ROR1: variants seen among roughly 807,000 people sequenced by gnomAD.
ROR1 encodes the protein ROR family WNT receptor 1, also known as inactive tyrosine-protein kinase transmembrane receptor ROR1.
A neutral mutation model predicts 78.8 loss-of-function variants in ROR1; 19 were observed. That is an observed-to-expected ratio of 0.24 (90% CI 0.17 to 0.35). The LOEUF is 0.35. Among genes scored for constraint, ROR1 ranks in the 10% least tolerant of loss-of-function variants. The pLI is 1.00. For synonymous variants in ROR1, 386 were observed against 433.6 expected (o/e 0.89, Z 1.36); for missense variants, 917 against 1,177.8 (o/e 0.78, Z 3.24).
At chr1:64,144,585 C>G (rs1569850233) in intron 7 of ROR1, among the ~76,000 whole-genome samples, 1 of 152,178 alleles carries the variant, frequency 6.6e-6, no homozygotes, top group African/African-American at 2.4e-5. Context: ...TCTGTCACCT[C>G]ATTCAATCTT....
At chr1:63,794,544 G>C (rs139060825) in intron 1 of ROR1, among the ~76,000 whole-genome samples, 1 of 152,238 alleles carries the variant, frequency 6.6e-6, no homozygotes, top group Non-Finnish European at 1.5e-5. Flanking sequence ...TGGGTCCAGA[G>C]AGACAGAATG....
chr1:64,040,958 G>A (rs1219489543), intron 2 of ROR1, among the ~76,000 whole-genome samples: 1 of 152,178 alleles, frequency 6.6e-6, no homozygotes, highest in Non-Finnish European at 1.5e-5. Context: ...ATAAAGACTG[G>A]TAAAAATCAT....
At chr1:63,803,514 C>T (rs612702) in intron 1 of ROR1, among the ~76,000 whole-genome samples, 52,805 of 151,966 alleles carry the variant, frequency 0.35, 12,801 homozygotes, top group African/African-American at 0.7. Context: ...CCGCCTAATT[C>T]TTAATATTTT....
chr1:63,807,374 T>C (rs958879629), intron 1 of ROR1, among the ~76,000 whole-genome samples: 1 of 152,196 alleles, frequency 6.6e-6, no homozygotes, highest in East Asian at 1.9e-4. Context: ...AGTTTCTGTC[T>C]GATGAGAGAA....
intron 1 of ROR1, among the ~76,000 whole-genome samples, chr1:63,970,899 T>C (rs1646113837): frequency 6.6e-6 from 1 of 152,188 alleles, no homozygotes; most frequent in African/African-American, 2.4e-5. Context: ...TCACCACCCT[T>C]GCTGCCTCCC....
rs561007538 is a variant in ROR1, at chr1:64,096,111, A to T, written c.483-41258A>T. Among the ~76,000 whole-genome samples the T allele has an allele frequency of 1.7e-4, 26 of 152,260 alleles. No homozygotes were observed. The South Asian group carries it at 3.3e-3, about 19-fold the overall frequency. ...ATATGATATCATTCTTAAAGATAAA[A>T]TCCCTTTGTCACTCACTCCATGAGA... On this transcript the variant is annotated intron_variant, in intron 4 of 8. Coordinates refer to ENST00000371079, the MANE Select transcript of ROR1 (RefSeq NM_005012.4).
chr1:63,994,574 G>C (rs1646322559), intron 1 of ROR1, among the ~76,000 whole-genome samples: 1 of 152,166 alleles, frequency 6.6e-6, no homozygotes, highest in African/African-American at 2.4e-5. Flanking sequence ...GAAGGCTTGT[G>C]GGGAAAGGCC....
At chr1:64,144,668 C>G (rs1243610602) in intron 7 of ROR1, among the ~76,000 whole-genome samples, 3 of 152,148 alleles carry the variant, frequency 2.0e-5, no homozygotes, top group African/African-American at 7.2e-5. Context: ...GAGGTTTGCT[C>G]AAAGACACTC....
chr1:63,963,877 C>T (rs1004308305), intron 1 of ROR1, among the ~76,000 whole-genome samples: 62 of 152,180 alleles, frequency 4.1e-4, no homozygotes, highest in Non-Finnish European at 7.1e-4. Context: ...TACCAGCATC[C>T]GTCTTTCTAA....
intron 1 of ROR1, among the ~76,000 whole-genome samples, chr1:63,809,660 G>A (rs1230317261): frequency 1.3e-5 from 2 of 152,162 alleles, no homozygotes; most frequent in Non-Finnish European, 2.9e-5. Context: ...CAAGTTTTAA[G>A]AATTGAGTGT....
intron 1 of ROR1, among the ~76,000 whole-genome samples, chr1:63,959,891 T>A (rs1646014195): frequency 6.6e-6 from 1 of 152,172 alleles, no homozygotes. Flanking sequence ...AGTGTCCTCC[T>A]CATCCCTTCA....
Position 64,116,156 on chromosome 1 carries a change from C to T in ROR1, c.483-21213C>T, listed in dbSNP as rs188738193. The stretch of plus-strand genomic sequence containing the variant: ...ATGAGATGAGACCATCCCGTTCCAC[C>T]GCACTTTCAAGTTAATCCATGCTCT... On this transcript the variant is annotated intron_variant, in intron 4 of 8. Transcript: ENST00000371079. Among the ~76,000 whole-genome samples, 3 of 152,116 alleles carry T rather than the reference C, an allele frequency of 2.0e-5. No homozygotes were observed. In the East Asian group the frequency reaches 5.8e-4, roughly 29 times the overall value.
intron 2 of ROR1, among the ~76,000 whole-genome samples, chr1:64,017,547 C>A (rs894001256): frequency 6.6e-6 from 1 of 152,118 alleles, no homozygotes; most frequent in Non-Finnish European, 1.5e-5. Flanking sequence ...GCCATCAGCC[C>A]CCCTGCCATC....
At chr1:63,836,291 G>A (rs566155367) in intron 1 of ROR1, among the ~76,000 whole-genome samples, 67 of 152,270 alleles carry the variant, frequency 4.4e-4, no homozygotes, top group African/African-American at 1.5e-3. Flanking sequence ...TGGCTTTTGA[G>A]ACTTTGTAGA....
chr1:63,859,291 G>T (rs1413199594), intron 1 of ROR1, among the ~76,000 whole-genome samples: 1 of 152,172 alleles, frequency 6.6e-6, no homozygotes, highest in Non-Finnish European at 1.5e-5. Context: ...GCCCTGTGAA[G>T]ATGAAGATCC....
intron 1 of ROR1, among the ~76,000 whole-genome samples, chr1:63,987,343 A>G (rs1413737790): frequency 6.6e-6 from 1 of 152,220 alleles, no homozygotes; most frequent in Non-Finnish European, 1.5e-5. Flanking sequence ...CATAAGCACT[A>G]AATAAACAGC....
At chr1:64,116,352 G>A (rs547363249) in intron 4 of ROR1, among the ~76,000 whole-genome samples, 2 of 152,332 alleles carry the variant, frequency 1.3e-5, no homozygotes, top group East Asian at 3.9e-4. Flanking sequence ...CCTGGCGAAT[G>A]TGCACATGTT....
intron 1 of ROR1, among the ~76,000 whole-genome samples, chr1:63,992,460 C>T (rs1646304326): frequency 1.3e-5 from 2 of 152,066 alleles, no homozygotes; most frequent in African/African-American, 4.8e-5. Context: ...CCCGCCTTGG[C>T]CTCTCAAAGT....
At chr1:64,130,561 A>C (rs547944605) in intron 4 of ROR1, among the ~76,000 whole-genome samples, 2 of 152,098 alleles carry the variant, frequency 1.3e-5, no homozygotes, top group South Asian at 4.2e-4. Context: ...CCATCATTTC[A>C]AGGTGTGTGC....
Sources: allele counts gnomAD v4.1 joint callset (sites outside exome capture counted in the v4.1 genomes callset), GRCh38; gene constraint gnomAD v4.1.1; transcripts MANE v1.5; gene names NCBI Gene and HGNC (gene_info 2026-07-23, HGNC 2026-07-21).